OXR1: variants seen among roughly 807,000 people sequenced by gnomAD.
The protein encoded by OXR1 is oxidation resistance protein 1.
Under a neutral mutation model 104.6 loss-of-function variants are expected in OXR1, and 41 were observed. The observed-to-expected ratio is 0.39, with a 90% confidence interval of 0.31 to 0.51. The LOEUF is 0.51. Among genes scored for constraint, OXR1 ranks in the 20% least tolerant of loss-of-function variants. The probability of loss-of-function intolerance (pLI) is 0.77; values close to 1 mark genes in which losing one functional copy is unlikely to be tolerated. For synonymous variants in OXR1, 348 were observed against 348.4 expected, an observed-to-expected ratio of 1.00 and a Z score of 0.01; for missense variants, 955 against 1,031.9, an observed-to-expected ratio of 0.93 and a Z score of 1.02.
At chr8:106,353,282 G>A (rs1344924141) in intron 1 of OXR1, among the ~76,000 whole-genome samples, 1 of 152,124 alleles carries the variant, frequency 6.6e-6, no homozygotes, top group East Asian at 1.9e-4. Context: ...CCAGGAGGTG[G>A]AGGTTGCAGT....
chr8:106,385,647 A>G (rs1310357315), intron 2 of OXR1, among the ~76,000 whole-genome samples: 1 of 152,198 alleles, frequency 6.6e-6, no homozygotes, highest in Non-Finnish European at 1.5e-5. Flanking sequence ...TCACGCAGGT[A>G]GTGAGTGTCT....
At chr8:106,734,115 C>T (rs899404011) in intron 11 of OXR1, among the ~76,000 whole-genome samples, 4 of 151,594 alleles carry the variant, frequency 2.6e-5, no homozygotes, top group African/African-American at 9.7e-5. Context: ...GCCACCAGGC[C>T]CGGCTAATTT....
chr8:106,486,677 GT>G (rs1810680152), intron 2 of OXR1, among the ~76,000 whole-genome samples: 1 of 151,922 alleles, frequency 6.6e-6, no homozygotes. Flanking sequence ...TATATTAAGA[GT>G]TTTTGAGATT....
At chr8:106,720,190 C>G (rs1013561446) in intron 11 of OXR1, among the ~76,000 whole-genome samples, 6 of 152,192 alleles carry the variant, frequency 3.9e-5, no homozygotes, top group Non-Finnish European at 8.8e-5. Flanking sequence ...ACCTTTTCCA[C>G]CATACCAAGT....
chr8:106,436,219 C>T (rs1226139062), intron 2 of OXR1, among the ~76,000 whole-genome samples: 1 of 152,070 alleles, frequency 6.6e-6, no homozygotes, highest in African/African-American at 2.4e-5. Flanking sequence ...TAGACCCTTG[C>T]ATATGTCATT....
chr8:106,447,515 C>T (rs992886455), intron 2 of OXR1, among the ~76,000 whole-genome samples: 39 of 152,112 alleles, frequency 2.6e-4, no homozygotes, highest in African/African-American at 8.7e-4. Context: ...ACGAATAGCA[C>T]CTCCCTTAGA....
At position 106,557,497 on chromosome 8, in the gene OXR1, A is replaced by G. The variant is rs185880251; in HGVS notation, c.220+38358A>G. Among the ~76,000 whole-genome samples, 10 of 152,212 alleles carry G rather than the reference A, an allele frequency of 6.6e-5. No individual in the cohort carries two copies. The East Asian group carries it at 1.5e-3, about 23-fold the overall frequency. On this transcript the variant is annotated intron_variant, in intron 3 of 16. Coordinates refer to ENST00000517566, the MANE Select transcript of OXR1 (RefSeq NM_001198533.2). ...TTGTATATCTGAGCTACAAAATTCTATACCCATAAATTAGCAGAAAGCATG... is the reference window on the plus strand; with the variant it reads ...TTGTATATCTGAGCTACAAAATTCTGTACCCATAAATTAGCAGAAAGCATG...
At chr8:106,391,439 T>A (rs932403390) in intron 2 of OXR1, among the ~76,000 whole-genome samples, 1 of 152,126 alleles carries the variant, frequency 6.6e-6, no homozygotes, top group African/African-American at 2.4e-5. Context: ...CTGTGTTCCA[T>A]GACCATGACA....
At chr8:106,480,320 A>T (rs1822037965) in intron 2 of OXR1, among the ~76,000 whole-genome samples, 1 of 152,008 alleles carries the variant, frequency 6.6e-6, no homozygotes. Context: ...CAAACCTATT[A>T]TAGCCATTTC....
intron 3 of OXR1, among the ~76,000 whole-genome samples, chr8:106,575,713 AAG>A (rs1817778189): frequency 6.7e-6 from 1 of 150,104 alleles, no homozygotes; most frequent in African/African-American, 2.5e-5. Flanking sequence ...AAAAAAAAAA[AAG>A]AGAAAGGGGC....
Position 106,706,615 on chromosome 8 carries a change from C to T in OXR1, c.1094C>T (p.Ala365Val), listed in dbSNP as rs546556630. The T allele has an allele frequency of 2.1e-5, 34 of 1,612,878 alleles. No homozygotes were observed. Among genetic ancestry groups the T allele is most frequent in the South Asian group, 1.8e-4 (16 of 90,766 alleles). Residue 365 changes from alanine (A) to valine (V), a missense_variant, in exon 9 of 17, where the codon GCG (alanine) becomes GTG (valine). Physicochemically the swap from Ala to Val is moderately conservative, Grantham distance 64. Coordinates refer to ENST00000517566, the MANE Select transcript of OXR1 (RefSeq NM_001198533.2). ...DELRQDKSSG[A>V]SSESVQTVNQ... ...CTGCGACAAGATAAATCTTCTGGTG[C>T]GTCATCAGAATCTGTGCAAACTGTC... is the stretch of plus-strand genomic sequence containing the variant.
chr8:106,519,670 C>T (rs1003420506), intron 3 of OXR1, among the ~76,000 whole-genome samples: 4 of 152,144 alleles, frequency 2.6e-5, no homozygotes, highest in African/African-American at 7.2e-5. Flanking sequence ...CTATTTTGAC[C>T]TTGCACCTTG....
At chr8:106,639,473 C>T (rs1407592081) in intron 3 of OXR1, among the ~76,000 whole-genome samples, 1 of 152,100 alleles carries the variant, frequency 6.6e-6, no homozygotes, top group Admixed American at 6.5e-5. Context: ...CACAATCTAA[C>T]GGGAGTGTTG....
At chr8:106,579,212 T>A (rs1329246428) in intron 3 of OXR1, among the ~76,000 whole-genome samples, 1 of 152,096 alleles carries the variant, frequency 6.6e-6, no homozygotes, top group Non-Finnish European at 1.5e-5. Flanking sequence ...ATTCCCTATT[T>A]ATGGCTGTAG....
At chr8:106,507,600 A>C (rs79226518) in intron 2 of OXR1, among the ~76,000 whole-genome samples, 19 of 152,338 alleles carry the variant, frequency 1.2e-4, no homozygotes, top group African/African-American at 4.3e-4. Context: ...ATCGGAGATG[A>C]AGCTGTGTGC....
intron 3 of OXR1, among the ~76,000 whole-genome samples, chr8:106,578,355 T>C (rs1818000043): frequency 6.6e-6 from 1 of 152,218 alleles, no homozygotes; most frequent in Non-Finnish European, 1.5e-5. Flanking sequence ...GTCTCCTGAC[T>C]ACATTGATTG....
At chr8:106,280,337 G>A (rs1812224801) in intron 1 of OXR1, among the ~76,000 whole-genome samples, 2 of 152,202 alleles carry the variant, frequency 1.3e-5, no homozygotes, top group Admixed American at 1.3e-4. Flanking sequence ...CACAGTTCTA[G>A]AGGCTAGAAG....
intron 3 of OXR1, among the ~76,000 whole-genome samples, chr8:106,613,284 AAACTTT>A (rs1461241101): frequency 1.3e-5 from 2 of 152,216 alleles, no homozygotes; most frequent in African/African-American, 4.8e-5. Context: ...GTTGCTCATT[AAACTTT>A]AATTTTCATT....
chr8:106,338,421 G>A (rs1815051530), intron 1 of OXR1, among the ~76,000 whole-genome samples: 1 of 151,786 alleles, frequency 6.6e-6, no homozygotes, highest in African/African-American at 2.4e-5. Context: ...AAATTAGCTG[G>A]GTGTGGTGGC....
Sources: allele counts gnomAD v4.1 joint callset (sites outside exome capture counted in the v4.1 genomes callset), GRCh38; gene constraint gnomAD v4.1.1; transcripts MANE v1.5; gene names NCBI Gene and HGNC (gene_info 2026-07-23, HGNC 2026-07-21).